IGSF11: variants seen among roughly 807,000 people sequenced by gnomAD.
IGSF11 encodes the protein immunoglobulin superfamily member 11, also known as CXADR like 1.
Under a neutral mutation model 41.0 loss-of-function variants are expected in IGSF11, and 22 were observed. That is an observed-to-expected ratio of 0.54 (90% CI 0.38 to 0.77). The LOEUF (loss-of-function observed/expected upper bound fraction) is 0.77. Ranked by LOEUF, IGSF11 falls within the 30% of genes least tolerant of loss-of-function variation. The probability of loss-of-function intolerance (pLI) is 0.00; values close to 1 mark genes in which losing one functional copy is unlikely to be tolerated. For missense variants in IGSF11, 444 were observed against 530.8 expected, an observed-to-expected ratio of 0.84 and a Z score of 1.61; for synonymous variants, 219 against 201.3, an observed-to-expected ratio of 1.09 and a Z score of -0.74.
At chr3:119,052,705 C>G (rs1419220433) in intron 1 of IGSF11, among the ~76,000 whole-genome samples, 1 of 151,470 alleles carries the variant, frequency 6.6e-6, no homozygotes, top group South Asian at 2.1e-4. Context: ...AAGAAACCTA[C>G]AGACCAATAT....
At chr3:118,976,605 G>A (rs1434244452) in intron 1 of IGSF11, among the ~76,000 whole-genome samples, 1 of 152,228 alleles carries the variant, frequency 6.6e-6, no homozygotes, top group Admixed American at 6.5e-5. Flanking sequence ...AGGGAGACTA[G>A]AGATAGAATC....
chr3:119,110,139 T>A (rs78016790), upstream of IGSF11, among the ~76,000 whole-genome samples: 25,444 of 151,976 alleles, frequency 0.17, 2,570 homozygotes, highest in Non-Finnish European at 0.24. Context: ...AATTCCTGGG[T>A]ATCCTTGTCA....
At chr3:119,087,327 C>A (rs897277163) in intron 1 of IGSF11, among the ~76,000 whole-genome samples, 1 of 151,564 alleles carries the variant, frequency 6.6e-6, no homozygotes, top group African/African-American at 2.4e-5. Context: ...ACGGAACTAG[C>A]CCAAATGCCC....
intron 1 of IGSF11, among the ~76,000 whole-genome samples, chr3:119,061,740 G>T (rs753003959): frequency 4.0e-5 from 6 of 150,846 alleles, no homozygotes; most frequent in Non-Finnish European, 7.4e-5. Context: ...TAGATTTTAT[G>T]TATCTATATA....
chr3:119,115,274 A>G (rs1045537508), intron 1 of IGSF11, among the ~76,000 whole-genome samples: 4 of 152,166 alleles, frequency 2.6e-5, no homozygotes, highest in African/African-American at 9.7e-5. Flanking sequence ...TAGCAGTGGG[A>G]TTACTGGATC....
chr3:119,003,522 C>T (rs39960), intron 1 of IGSF11, among the ~76,000 whole-genome samples: 15 of 151,114 alleles, frequency 9.9e-5, no homozygotes, highest in South Asian at 2.1e-4. Context: ...TGAATAGGAG[C>T]GGTAAGAGAG....
At chr3:119,071,458 CT>C (rs2076398523) in intron 1 of IGSF11, among the ~76,000 whole-genome samples, 2 of 152,002 alleles carry the variant, frequency 1.3e-5, no homozygotes, top group African/African-American at 4.8e-5. Flanking sequence ...ATAGTTTTAG[CT>C]TTTATATTTA....
intron 1 of IGSF11, among the ~76,000 whole-genome samples, chr3:119,084,292 G>C (rs947909330): frequency 6.6e-6 from 1 of 152,102 alleles, no homozygotes; most frequent in Non-Finnish European, 1.5e-5. Flanking sequence ...TGGGAATCTC[G>C]TGTGGGGTGC....
rs1160412556 is a variant in IGSF11 at position 119,074,513 on chromosome 3, AG to A, written c.49+30630del. 2.0e-5 allele frequency among the ~76,000 whole-genome samples: 3 copies of A among 151,944 alleles called. 1 individual carries two copies. Among genetic ancestry groups the A allele is most frequent in the South Asian group, 4.2e-4 (2 of 4,802 alleles). On this transcript the variant is annotated intron_variant, in intron 1 of 6. Coordinates refer to the IGSF11 transcript ENST00000354673. ...GGAATCTCTGGGACACAGTTAAAGC[AG>A]TGTTAAGAGGAACGTTTATAGTGTT... is the stretch of plus-strand genomic sequence containing the variant.
At chr3:119,118,267 G>A (rs1213307726) in intron 1 of IGSF11, among the ~76,000 whole-genome samples, 1 of 152,226 alleles carries the variant, frequency 6.6e-6, no homozygotes, top group Non-Finnish European at 1.5e-5. Flanking sequence ...ACTGCTTCCT[G>A]GACTTCCAGG....
upstream of IGSF11, among the ~76,000 whole-genome samples, chr3:119,109,764 T>C (rs893715539): frequency 1.3e-5 from 2 of 152,190 alleles, no homozygotes; most frequent in African/African-American, 4.8e-5. Flanking sequence ...GCTTTGAATG[T>C]GTCCCAGAGA....
chr3:119,015,491 G>A (rs1576648223), intron 1 of IGSF11, among the ~76,000 whole-genome samples: 1 of 152,050 alleles, frequency 6.6e-6, no homozygotes, highest in Non-Finnish European at 1.5e-5. Context: ...CACGACTTAA[G>A]GACACCTAAG....
At chr3:119,054,798 T>G (rs251447) in intron 1 of IGSF11, among the ~76,000 whole-genome samples, 1 of 151,936 alleles carries the variant, frequency 6.6e-6, no homozygotes, top group African/African-American at 2.4e-5. Flanking sequence ...CATCAACCAA[T>G]GAGTGGATAA....
At chr3:118,935,405 CACAT>C (rs1265227872) in intron 1 of IGSF11, among the ~76,000 whole-genome samples, 2 of 144,656 alleles carry the variant, frequency 1.4e-5, no homozygotes, top group African/African-American at 5.1e-5. Context: ...CATACACACA[CACAT>C]ATACATACGT....
chr3:119,059,930 A>G (rs1417600193), intron 1 of IGSF11, among the ~76,000 whole-genome samples: 1 of 152,182 alleles, frequency 6.6e-6, no homozygotes, highest in Admixed American at 6.5e-5. Context: ...ATAAGACATA[A>G]AAGAAGGAAG....
chr3:119,110,007 C>CAACT (rs1369106579), upstream of IGSF11, among the ~76,000 whole-genome samples: 1 of 152,052 alleles, frequency 6.6e-6, no homozygotes, highest in Non-Finnish European at 1.5e-5. Flanking sequence ...GCTTTACTTC[C>CAACT]AACTATGTGG....
chr3:119,048,629 A>C (rs1102588), intron 1 of IGSF11, among the ~76,000 whole-genome samples: 149,603 of 151,946 alleles, frequency 0.98, 73,667 homozygotes, highest in East Asian at 1. Context: ...AAGAAGGAAT[A>C]CTCCCTAACT....
intron 1 of IGSF11, among the ~76,000 whole-genome samples, chr3:119,131,648 C>A (rs1268971899): frequency 1.3e-5 from 2 of 152,162 alleles, no homozygotes; most frequent in African/African-American, 4.8e-5. Flanking sequence ...TCTAGGAGAA[C>A]TTCCCCAACC....
chr3:119,062,724 G>T (rs578231214), intron 1 of IGSF11, among the ~76,000 whole-genome samples: 1 of 152,264 alleles, frequency 6.6e-6, no homozygotes, highest in South Asian at 2.1e-4. Context: ...TATATTGATT[G>T]ATACTTCCAG....
Sources: allele counts gnomAD v4.1 joint callset (sites outside exome capture counted in the v4.1 genomes callset), GRCh38; gene constraint gnomAD v4.1.1; transcripts MANE v1.5; gene names NCBI Gene and HGNC (gene_info 2026-07-23, HGNC 2026-07-21).